Variants in C1orf159 observed in about 807,000 individuals in gnomAD.
The protein encoded by C1orf159 is chromosome 1 open reading frame 159.
C1orf159 carries 19 observed loss-of-function variants against 25.6 expected under a neutral mutation model. The ratio of observed to expected loss-of-function variants is 0.74; its 90% confidence interval spans 0.52 to 1.09. The LOEUF is 1.09. C1orf159 is among the 50% of genes least tolerant of loss of function. The pLI, the probability that C1orf159 is intolerant of heterozygous loss-of-function variation, is 0.00. For missense variants in C1orf159, 274 were observed against 290.6 expected (o/e 0.94, Z 0.42); for synonymous variants, 139 against 124.7 (o/e 1.12, Z -0.77).
At chr1:1,097,138 A>C (rs1267051487) in intron 1 of C1orf159, among the ~76,000 whole-genome samples, 1 of 151,824 alleles carries the variant, frequency 6.6e-6, no homozygotes, top group East Asian at 1.9e-4. Flanking sequence ...ACCGAGTCTC[A>C]CTCTGTTGCC....
chr1:1,113,260 C>A (rs111483565), intron 1 of C1orf159, among the ~76,000 whole-genome samples: 15,825 of 151,656 alleles, frequency 0.1, 1,937 homozygotes, highest in African/African-American at 0.3. Context: ...CAAATTCTTT[C>A]TTCTGAGGCA....
intron 1 of C1orf159, among the ~76,000 whole-genome samples, chr1:1,096,232 T>C (rs1165662911): frequency 6.6e-6 from 1 of 152,224 alleles, no homozygotes; most frequent in Non-Finnish European, 1.5e-5. Flanking sequence ...TCTCACTCTG[T>C]TGCCAGGCTG....
chr1:1,095,100 A>G (rs995392335), intron 1 of C1orf159, among the ~76,000 whole-genome samples: 6 of 152,260 alleles, frequency 3.9e-5, no homozygotes, highest in Admixed American at 1.3e-4. Context: ...CTTCAGGGAC[A>G]CTGCGGCTGA....
intron 2 of C1orf159, 48 bp from the exon 3 acceptor site, chr1:1,091,613 A>C: frequency 1.1e-5 from 8 of 743,204 alleles, no homozygotes; most frequent in East Asian, 5.6e-5. Context: ...AGTGGGGCTG[A>C]GGCAGGGTGG....
intron 1 of C1orf159, among the ~76,000 whole-genome samples, chr1:1,096,281 G>A (rs1334793961): frequency 6.6e-6 from 1 of 152,090 alleles, no homozygotes; most frequent in Non-Finnish European, 1.5e-5. Context: ...GCCGCCTTGA[G>A]CTCCTGGGAT....
intron 1 of C1orf159, among the ~76,000 whole-genome samples, chr1:1,097,270 C>T (rs950257261): frequency 6.6e-6 from 1 of 151,986 alleles, no homozygotes; most frequent in African/African-American, 2.4e-5. Context: ...CCATGCCTGG[C>T]TAATTTTTGT....
intron 1 of C1orf159, chr1:1,115,173 G>C (rs1253153384): frequency 6.6e-6 from 1 of 152,146 alleles, no homozygotes; most frequent in Non-Finnish European, 1.5e-5. Context: ...ATAGTTCCCG[G>C]GGAAGAAGCC....
chr1:1,083,934 G>T lies in C1orf159; in HGVS notation c.502+419C>A, dbSNP rs115613719. The T allele has an allele frequency of 1.5e-3, 2,339 of 1,592,402 alleles. 30 individuals are homozygous for T. In the African/African-American group the frequency reaches 0.027, roughly 18 times the overall value. On this transcript the variant is annotated intron_variant, in intron 9 of 9. Coordinates refer to ENST00000421241, the MANE Select transcript of C1orf159 (RefSeq NM_017891.5). ...CCTAACCGGGCTGACTCTTGGGTCC[G>T]CCTGACCCAGCACCACTGAAGCGAT...
intron 1 of C1orf159, among the ~76,000 whole-genome samples, chr1:1,102,379 CTTTTT>C (rs756300868): frequency 6.9e-6 from 1 of 144,356 alleles, no homozygotes; most frequent in Non-Finnish European, 1.5e-5. Context: ...CACTTCCACC[CTTTTT>C]TTTTTTTCCA....
intron 1 of C1orf159, chr1:1,105,901 A>C (rs1646164700): frequency 6.6e-6 from 1 of 151,980 alleles, no homozygotes; most frequent in Admixed American, 6.5e-5. Context: ...ATAAATAAAT[A>C]GATAGATAAA....
At chr1:1,084,031 A>G in intron 9 of C1orf159, 1 of 1,607,348 alleles carries the variant, frequency 6.2e-7, no homozygotes, top group Non-Finnish European at 8.5e-7. Context: ...AAGGAGGAGC[A>G]GGTATTGGGG....
chr1:1,083,001 G>A lies in C1orf159; in HGVS notation c.503-14C>T. On this transcript the variant is annotated splice_polypyrimidine_tract_variant and intron_variant, in intron 9 of 9. Coordinates refer to ENST00000421241, the MANE Select transcript of C1orf159 (RefSeq NM_017891.5). The stretch of plus-strand genomic sequence containing the variant: ...GCGGCTTCCGTACTGAAACGGGTCA[G>A]AGACAGGCGAGGTCAGAGTGGGACC... 6.3e-7 allele frequency: 1 copy of A among 1,575,944 alleles called. No individual in the cohort carries two copies. The highest frequency in any genetic ancestry group is 8.6e-7 in the Non-Finnish European group (1 of 1,159,330).
Position 1,091,584 on chromosome 1 carries a change from T to C in C1orf159, c.-22-19A>G. 2 of 1,483,372 alleles carry C rather than the reference T, an allele frequency of 1.3e-6. No homozygotes were observed. The highest frequency in any genetic ancestry group is 9.0e-7 in the Non-Finnish European group (1 of 1,106,716). The allele number at this position is 1,483,372 out of a possible 1,614,324, so 91.9% of individuals were successfully genotyped here. A position where few individuals can be genotyped will look rare whatever the true frequency, so the allele number is the denominator to read the frequency against. On this transcript the variant is annotated intron_variant, in intron 2 of 9. Transcript: ENST00000421241. ...GCAGAGCCTGCCACAGGGAGGAGCA[T>C]GCGGAGCCAAAGAGATGGAGTGGGG...
chr1:1,095,926 C>T (rs1180317091), intron 1 of C1orf159, among the ~76,000 whole-genome samples: 3 of 152,114 alleles, frequency 2.0e-5, no homozygotes, highest in African/African-American at 7.2e-5. Context: ...GCATCTATTT[C>T]AGTGATCATC....
chr1:1,097,165 G>C (rs779682237), intron 1 of C1orf159, among the ~76,000 whole-genome samples: 9 of 152,180 alleles, frequency 5.9e-5, no homozygotes, highest in Non-Finnish European at 1.3e-4. Context: ...GGAGTGCAGT[G>C]GCATGATCTC....
chr1:1,091,254 A>C, intron 3 of C1orf159: 1 of 648,986 alleles, frequency 1.5e-6, no homozygotes, highest in Non-Finnish European at 2.7e-6. Context: ...CGCCTGACCC[A>C]GCCATTCCTG....
At chr1:1,088,491 C>T (rs1557748119) in intron 4 of C1orf159, among the ~76,000 whole-genome samples, 1 of 149,964 alleles carries the variant, frequency 6.7e-6, no homozygotes, top group Non-Finnish European at 1.5e-5. Context: ...CTGTCACCTC[C>T]ACACCCTGGC....
intron 1 of C1orf159, among the ~76,000 whole-genome samples, chr1:1,093,030 T>C (rs1031672159): frequency 2.6e-5 from 4 of 151,414 alleles, no homozygotes; most frequent in African/African-American, 4.9e-5. Flanking sequence ...CAAGGGGAAC[T>C]CCGTCTCAAA....
intron 1 of C1orf159, among the ~76,000 whole-genome samples, chr1:1,114,212 G>A (rs368013455): frequency 1.4e-4 from 22 of 152,032 alleles, no homozygotes; most frequent in East Asian, 1.4e-3. Context: ...GTGAGCCACC[G>A]CGCACAGCCA....
Sources: allele counts gnomAD v4.1 joint callset (sites outside exome capture counted in the v4.1 genomes callset), GRCh38; gene constraint gnomAD v4.1.1; transcripts MANE v1.5; gene names NCBI Gene and HGNC (gene_info 2026-07-23, HGNC 2026-07-21).